TMC8: variants seen among roughly 807,000 people sequenced by gnomAD.
TMC8 encodes the protein transmembrane channel-like protein 8.
TMC8 carries 71 observed loss-of-function variants against 76.0 expected under a neutral mutation model. That is an observed-to-expected ratio of 0.93 (90% CI 0.77 to 1.14). The LOEUF is 1.14. TMC8 is among the 50% of genes most tolerant of loss of function. The pLI, the probability that TMC8 is intolerant of heterozygous loss-of-function variation, is 0.00. For missense variants in TMC8, 924 were observed against 947.9 expected (o/e 0.97, Z 0.33); for synonymous variants, 433 against 433.8 (o/e 1.00, Z 0.02).
At position 78,134,490 on chromosome 17, in the gene TMC8, C is replaced by T. The variant is rs149997470; in HGVS notation, c.913C>T (p.Leu305Phe). Residue 305 changes from leucine to phenylalanine, a missense_variant, in exon 8 of 16, where the codon CTC (leucine) becomes TTC (phenylalanine). Coordinates refer to ENST00000318430, the MANE Select transcript of TMC8 (RefSeq NM_152468.5). ...GCTCTCCTACCTGCGGGTCAACGTA[C>T]TCAACGGGCTCCTGGTGGTTGGGGC... ...RLLSYLRVNV[L>F]NGLLVVGAIS... The T allele has an allele frequency of 1.0e-3, 1,624 of 1,614,094 alleles. 1 individual carries two copies. The highest frequency in any genetic ancestry group is 1.3e-3 in the Non-Finnish European group (1,569 of 1,180,034).
At chr17:78,133,311 G>C in intron 5 of TMC8, 95 bp from the exon 6 acceptor site, 1 of 1,592,866 alleles carries the variant, frequency 6.3e-7, no homozygotes, top group Non-Finnish European at 8.6e-7. Context: ...TACCTGATGG[G>C]GGGATTGCAC....
intron 5 of TMC8, 94 bp from the exon 6 acceptor site, chr17:78,133,312 G>C: frequency 1.3e-6 from 2 of 1,593,420 alleles, no homozygotes; most frequent in East Asian, 2.2e-5. Flanking sequence ...ACCTGATGGG[G>C]GGATTGCACG....
intron 9 of TMC8, among the ~76,000 whole-genome samples, chr17:78,136,356 G>GCTA (rs1310368791): frequency 6.6e-6 from 1 of 152,076 alleles, no homozygotes; most frequent in Non-Finnish European, 1.5e-5. Flanking sequence ...CACAGTCCTA[G>GCTA]CTACTAGAGA....
chr17:78,137,584 T>G lies in TMC8; in HGVS notation c.1252-133T>G, dbSNP rs1270051775. 5.3e-6 allele frequency: 6 copies of G among 1,124,368 alleles called. No homozygotes were observed. In the African/African-American group the frequency reaches 9.2e-5, roughly 17 times the overall value. The allele number at this position is 1,124,368 out of a possible 1,614,324, so 69.6% of individuals were successfully genotyped here. On this transcript the variant is annotated intron_variant, in intron 10 of 15. Coordinates refer to ENST00000318430, the MANE Select transcript of TMC8 (RefSeq NM_152468.5). Reference sequence around the variant, plus strand: ...CTGCTCTAATCCCATCCTCAAGGCCTGGGTTTCAACCTAACGATTCTATCA... The same window carrying G: ...CTGCTCTAATCCCATCCTCAAGGCCGGGGTTTCAACCTAACGATTCTATCA...
chr17:78,138,637 G>A lies in TMC8; in HGVS notation c.1728G>A (p.Pro576=), dbSNP rs753149174. ...ACTCAGCACCCTGGCAAGTGGTCCC[G>A]GAGCTGGTGGCCCTTGGGCTCCCGC... ...TNYSAPWQVV[P]ELVALGLPPI... is the part of the protein sequence containing the mutation. Residue 576 remains proline, a synonymous_variant, in exon 14 of 16, where the codon CCG becomes CCA. Transcript: ENST00000318430. The A allele has an allele frequency of 1.2e-5, 19 of 1,613,816 alleles. No individual in the cohort carries two copies. The highest frequency in any genetic ancestry group is 5.5e-5 in the South Asian group (5 of 91,094).
rs2075166679 is a variant in TMC8 at position 78,134,511 on chromosome 17, G to A, written c.934G>A (p.Gly312Arg). 1 of 1,614,094 alleles carries A rather than the reference G, an allele frequency of 6.2e-7. No homozygotes were observed. Among genetic ancestry groups the A allele is most frequent in the Non-Finnish European group, 8.5e-7 (1 of 1,180,016 alleles). ...CGTACTCAACGGGCTCCTGGTGGTT[G>A]GGGCCATCAGCGCCATCTTCTGGGC... ...VNVLNGLLVV[G>R]AISAIFWATK... Residue 312 changes from glycine (G) to arginine (R), a missense_variant, in exon 8 of 16, where the codon GGG (glycine) becomes AGG (arginine). Coordinates refer to ENST00000318430, the MANE Select transcript of TMC8 (RefSeq NM_152468.5).
At chr17:78,132,081 G>A (rs1044912191) in intron 3 of TMC8, 51 bp downstream of exon 3, 60 of 1,534,236 alleles carry the variant, frequency 3.9e-5, no homozygotes, top group Admixed American at 7.9e-5. Flanking sequence ...GAGCCCCACT[G>A]CCCAGATCGG....
chr17:78,132,438 C>T lies in TMC8; in HGVS notation c.378C>T (p.Leu126=). The T allele has an allele frequency of 2.5e-6, 4 of 1,612,742 alleles. No individual in the cohort carries two copies. The highest frequency in any genetic ancestry group is 3.4e-6 in the Non-Finnish European group (4 of 1,179,588). ...LLLLNLLSLL[L]TASFVLLPLV... ...TACTCAACCTGCTGAGCCTGCTGCTCACCGCAAGCTTCGTGCTGCTGCCCC... is the reference window on the plus strand; with the variant it reads ...TACTCAACCTGCTGAGCCTGCTGCTTACCGCAAGCTTCGTGCTGCTGCCCC... The change falls in exon 4 of 16, where the codon CTC becomes CTT. Residue 126 remains leucine, a synonymous_variant. Transcript: ENST00000318430.
At chr17:78,140,199 C>G (rs1241887274) in intron 15 of TMC8, among the ~76,000 whole-genome samples, 2 of 152,168 alleles carry the variant, frequency 1.3e-5, no homozygotes, top group East Asian at 1.9e-4. Flanking sequence ...TGGCGCGTGC[C>G]TGTGGTCACA....
intron 9 of TMC8, 168 bp from the exon 10 acceptor site, chr17:78,137,067 T>C: frequency 2.0e-6 from 2 of 1,016,280 alleles, no homozygotes; most frequent in Non-Finnish European, 2.9e-6. Context: ...AGACTCGGAC[T>C]CTGAGAACGC....
rs2145645141 is a variant in TMC8, at chr17:78,133,932, T to C, written c.748T>C (p.Trp250Arg). Residue 250 changes from tryptophan to arginine, a missense_variant, in exon 7 of 16, where the codon TGG (tryptophan) becomes CGG (arginine). Physicochemically the swap from Trp to Arg is moderately radical, Grantham distance 101 (BLOSUM62 -3). Coordinates refer to ENST00000318430, the MANE Select transcript of TMC8 (RefSeq NM_152468.5). ...APLSAKVFSS[W>R]DFCIRVQEAA... is the part of the protein sequence containing the mutation. ...TCTCAGCGCCAAGGTCTTCTCCTCA[T>C]GGGACTTCTGCATCCGGGTGCAGGA... 1 of 1,613,660 alleles carries C rather than the reference T, an allele frequency of 6.2e-7. No homozygotes were observed.
rs1383948718 is a variant in TMC8 at position 78,141,009 on chromosome 17, C to T, written c.2078C>T (p.Pro693Leu). 1 of 1,597,104 alleles carries T rather than the reference C, an allele frequency of 6.3e-7. No homozygotes were observed. The highest frequency in any genetic ancestry group is 8.5e-7 in the Non-Finnish European group (1 of 1,173,070). ...SPGHQAPRPG[P>L]SVVDAAGLRS... ...GGCCACCAGGCCCCGCGGCCGGGCC[C>T]CTCCGTCGTGGATGCCGCGGGACTG... Residue 693 changes from proline (P) to leucine (L), a missense_variant, in exon 16 of 16, where the codon CCC (proline) becomes CTC (leucine). By Grantham distance (98) the Pro-to-Leu change is moderately conservative. Coordinates refer to ENST00000318430, the MANE Select transcript of TMC8 (RefSeq NM_152468.5).
Position 78,138,155 on chromosome 17 carries a change from C to A in TMC8, c.1500C>A (p.Ser500Arg), listed in dbSNP as rs780596418. Residue 500 changes from serine (S) to arginine (R), a missense_variant, in exon 12 of 16, where the codon AGC becomes AGA. Ser to Arg is a moderately radical substitution (Grantham distance 110, BLOSUM62 -1). Transcript: ENST00000318430. Reference sequence around the variant, plus strand: ...GCCCCCTGCTGCCCCTGCTGAATAGCGTCTTCCTCTTCCTCACCTTCTACA... The same window carrying A: ...GCCCCCTGCTGCCCCTGCTGAATAGAGTCTTCCTCTTCCTCACCTTCTACA... ...FYCPLLPLLN[S>R]VFLFLTFYIK... 1.2e-6 allele frequency: 2 copies of A among 1,613,926 alleles called. No homozygotes were observed. The highest frequency in any genetic ancestry group is 3.3e-5 in the Admixed American group (2 of 60,016).
At position 78,132,866 on chromosome 17, in the gene TMC8, G is replaced by T; in HGVS notation, c.527G>T (p.Gly176Val). The T allele has an allele frequency of 1.2e-6, 2 of 1,614,204 alleles. No homozygotes were observed. The highest frequency in any genetic ancestry group is 1.7e-6 in the Non-Finnish European group (2 of 1,180,012). Residue 176 changes from glycine (G) to valine (V), a missense_variant, in exon 5 of 16, where the codon GGC becomes GTC. Gly to Val is a moderately radical substitution (Grantham distance 109). Coordinates refer to ENST00000318430, the MANE Select transcript of TMC8 (RefSeq NM_152468.5). ...AATCAACTTTGGCATGTTTTGACTG[G>T]CAGGGTGAGTGAGGTCTGTCCCGGC... ...FHNQLWHVLT[G>V]RAFTNTYLFY...
Position 78,138,696 on chromosome 17 carries a change from C to G in TMC8, c.1787C>G (p.Ser596Cys), listed in dbSNP as rs780927655. The change falls in exon 14 of 16, where the codon TCC becomes TGC. Residue 596 changes from serine to cysteine, a missense_variant. Physicochemically the swap from Ser to Cys is moderately radical, Grantham distance 112. Transcript: ENST00000318430. ...IGQRALHYLG[S>C]HAFSFPLLIM... The stretch of plus-strand genomic sequence containing the variant: ...CAGCGTGCCCTCCACTACCTGGGCT[C>G]CCACGCCTTCAGCTTCCCCCTCCTC... The G allele has an allele frequency of 2.4e-5, 38 of 1,612,284 alleles. No individual in the cohort carries two copies. In the South Asian group the frequency reaches 4.2e-4, roughly 18 times the overall value.
chr17:78,139,389 A>T, intron 15 of TMC8, 149 bp downstream of exon 15: 1 of 841,566 alleles, frequency 1.2e-6, no homozygotes, highest in Non-Finnish European at 1.9e-6. Context: ...AAGACGGGGA[A>T]GGGGAGGAAG....
At chr17:78,130,880 T>C (rs1347254306) in intron 1 of TMC8, 29 bp downstream of exon 1, 1 of 154,450 alleles carries the variant, frequency 6.5e-6, no homozygotes, top group Non-Finnish European at 1.4e-5. Flanking sequence ...GGAGGGAGAA[T>C]GCAGAGGGTG....
rs1396206592 is a variant in TMC8 at position 78,131,558 on chromosome 17, G to A, written c.-31G>A. On this transcript the variant is annotated 5_prime_UTR_variant, in exon 2 of 16. Coordinates refer to ENST00000318430, the MANE Select transcript of TMC8 (RefSeq NM_152468.5). ...CTCATATCCCCCCCACCGGCAGCCC[G>A]GCGCCCCAGCCTCTACCCGTGCCCG... The A allele has an allele frequency of 8.4e-6, 13 of 1,539,620 alleles. No individual in the cohort carries two copies. The highest frequency in any genetic ancestry group is 2.4e-5 in the East Asian group (1 of 40,908).
chr17:78,136,960 G>C (rs73999644), intron 9 of TMC8: 2 of 417,090 alleles, frequency 4.8e-6, no homozygotes, highest in Non-Finnish European at 9.1e-6. Flanking sequence ...GCAGTGAGCC[G>C]AGGTCACAAC....
Sources: allele counts gnomAD v4.1 joint callset (sites outside exome capture counted in the v4.1 genomes callset), GRCh38; gene constraint gnomAD v4.1.1; transcripts MANE v1.5; gene names NCBI Gene and HGNC (gene_info 2026-07-23, HGNC 2026-07-21).